Variants in PRPF8 observed in about 807,000 individuals in gnomAD.
PRPF8 encodes the protein pre-mRNA-processing-splicing factor 8.
Under a neutral mutation model 285.9 loss-of-function variants are expected in PRPF8, and 64 were observed. The observed-to-expected ratio is 0.22, with a 90% CI of 0.18 to 0.28. The LOEUF is 0.28. Ranked by LOEUF, PRPF8 falls within the 10% of genes least tolerant of loss-of-function variation. The probability of loss-of-function intolerance (pLI) is 1.00; values close to 1 mark genes in which losing one functional copy is unlikely to be tolerated. For synonymous variants in PRPF8, 1,325 were observed against 1,118.2 expected (o/e 1.18, Z -3.69); for missense variants, 1,426 against 3,026.7 (o/e 0.47, Z 12.41).
At chr17:1,682,996 C>CTTTT (rs1555554634) in intron 3 of PRPF8, 193 of 173,718 alleles carry the variant, frequency 1.1e-3, no homozygotes, top group Non-Finnish European at 1.7e-3. Context: ...TCTTATTTTT[C>CTTTT]ATTTTTTTTT....
At chr17:1,660,111 G>T in intron 30 of PRPF8, 110 bp from the exon 31 acceptor site, 1 of 1,331,488 alleles carries the variant, frequency 7.5e-7, no homozygotes, top group Non-Finnish European at 1.1e-6. Context: ...GAGCTTCCAG[G>T]GTGGATTTCC....
At chr17:1,664,763 A>G (rs1055532446) in intron 24 of PRPF8, among the ~76,000 whole-genome samples, 6 of 152,234 alleles carry the variant, frequency 3.9e-5, no homozygotes, top group African/African-American at 7.2e-5. Flanking sequence ...CCAAATATGT[A>G]AACAGCATAA....
At position 1,673,947 on chromosome 17, in the gene PRPF8, C is replaced by T; in HGVS notation, c.3300-55G>A. The T allele has an allele frequency of 6.2e-7, 1 of 1,600,534 alleles. No individual in the cohort carries two copies. The highest frequency in any genetic ancestry group is 8.5e-7 in the Non-Finnish European group (1 of 1,176,568). On this transcript the variant is annotated intron_variant, in intron 21 of 42. Coordinates refer to ENST00000304992, the MANE Select transcript of PRPF8 (RefSeq NM_006445.4). The surrounding 1 kb of genome is among the most constrained non-coding windows in gnomAD (Gnocchi z 5.5). ...CCCAGTACACTGAGATTTGGGACAC[C>T]CACAAGTCCTCCAGCTCAATAGACG...
chr17:1,662,938 AAAT>A (rs1360976228), intron 24 of PRPF8, among the ~76,000 whole-genome samples: 3 of 152,212 alleles, frequency 2.0e-5, no homozygotes, highest in African/African-American at 7.2e-5. Flanking sequence ...AAATGCAAAA[AAAT>A]ATTTTTTCTC....
At chr17:1,682,540 C>T (rs1258751640) in intron 3 of PRPF8, among the ~76,000 whole-genome samples, 1 of 152,138 alleles carries the variant, frequency 6.6e-6, no homozygotes, top group East Asian at 1.9e-4. Flanking sequence ...ACGGCTATCC[C>T]TCTGGAGACA....
At chr17:1,672,301 T>C (rs1567686109) in intron 24 of PRPF8, among the ~76,000 whole-genome samples, 1 of 152,162 alleles carries the variant, frequency 6.6e-6, no homozygotes, top group African/African-American at 2.4e-5. Flanking sequence ...TATTTTGAGA[T>C]AGAGTTTTTG....
In PRPF8 at chr17:1,681,917, C is replaced by G; in HGVS notation, c.556G>C (p.Glu186Gln). The G allele has an allele frequency of 6.2e-7, 1 of 1,614,062 alleles. No individual in the cohort carries two copies. Among genetic ancestry groups the G allele is most frequent in the Non-Finnish European group, 8.5e-7 (1 of 1,180,014 alleles). ...LDYADNILDVEPLEAIQLELD... is the reference protein window; with the variant it reads ...LDYADNILDVQPLEAIQLELD... ...TCTAGCTGAATGGCCTCCAGTGGCT[C>G]AACATCTAGGATGTTGTCAGCATAG... Residue 186 changes from glutamate (E) to glutamine (Q), a missense_variant, in exon 5 of 43, where the codon GAG becomes CAG. Around this residue, in one of 34 missense-constraint regions of PRPF8, gnomAD observed 96 missense variants for 188.3 expected, o/e 0.51. Coordinates refer to ENST00000304992, the MANE Select transcript of PRPF8 (RefSeq NM_006445.4).
Position 1,673,247 on chromosome 17 carries a change from A to G in PRPF8, c.3658-50T>C. The G allele has an allele frequency of 6.2e-7, 1 of 1,606,092 alleles. No homozygotes were observed. Among genetic ancestry groups the G allele is most frequent in the Non-Finnish European group, 8.5e-7 (1 of 1,172,864 alleles). ...ATGTCCGAGGAACTCCCACAGAAGC[A>G]AGAGCCAACTGTGCCCACCACTCAA... On this transcript the variant is annotated intron_variant, in intron 23 of 42. Coordinates refer to ENST00000304992, the MANE Select transcript of PRPF8 (RefSeq NM_006445.4). This position sits in a 1 kb window ranked among gnomAD's most constrained non-coding sequence, Gnocchi z 5.5.
intron 37 of PRPF8, chr17:1,654,259 C>T (rs927757295): frequency 1.4e-5 from 9 of 622,134 alleles, no homozygotes; most frequent in South Asian, 3.8e-5. Flanking sequence ...ATAAACCCTA[C>T]GCTTCCTTGA....
chr17:1,654,078 T>G (rs1016347557), intron 37 of PRPF8, 62 bp from the exon 38 acceptor site: 79 of 1,612,736 alleles, frequency 4.9e-5, no homozygotes, highest in Non-Finnish European at 3.3e-5. Context: ...TCTGCCTCAA[T>G]GGAAAGGGTG....
Position 1,653,415 on chromosome 17 carries a change from C to T in PRPF8, c.6369+127G>A, listed in dbSNP as rs1374538717. 3.0e-6 allele frequency: 4 copies of T among 1,351,746 alleles called. No individual in the cohort carries two copies. The highest frequency in any genetic ancestry group is 4.2e-6 in the Non-Finnish European group (4 of 956,606). 83.7% of individuals were successfully genotyped at this position (1,351,746 alleles called of 1,614,324 possible). ...AAACCCACCTCGTTGTTTTGGCTAT[C>T]CTTGTATAATTACTCATCCATGAAT... On this transcript the variant is annotated intron_variant, in intron 39 of 42. Coordinates refer to ENST00000304992, the MANE Select transcript of PRPF8 (RefSeq NM_006445.4). This position sits in a 1 kb window ranked among gnomAD's most constrained non-coding sequence, Gnocchi z 4.9.
chr17:1,676,939 G>T lies in PRPF8; in HGVS notation c.2181+37C>A, dbSNP rs373172149. 5 of 1,608,664 alleles carry T rather than the reference G, an allele frequency of 3.1e-6. No homozygotes were observed. The African/African-American group carries it at 6.7e-5, about 22-fold the overall frequency. ...AAGTGGTAATCCTACCCTAAAGACG[G>T]ATGTTTACGCCTCCAAGGAAATAAA... On this transcript the variant is annotated intron_variant, in intron 15 of 42. Transcript: ENST00000304992. The surrounding 1 kb of genome is among the most constrained non-coding windows in gnomAD (Gnocchi z 6.3).
rs1297642122 is a variant in PRPF8 at position 1,684,325 on chromosome 17, TAAAA to T, written c.100+143_100+146del. 7.5e-4 allele frequency: 642 copies of T among 851,296 alleles called. 8 individuals are homozygous for T. In the African/African-American group the frequency reaches 0.01, roughly 13 times the overall value. 52.7% of individuals were successfully genotyped at this position (851,296 alleles called of 1,614,324 possible). A position where few individuals can be genotyped will look rare whatever the true frequency, so the allele number is the denominator to read the frequency against. On this transcript the variant is annotated intron_variant, in intron 2 of 42. Coordinates refer to ENST00000304992, the MANE Select transcript of PRPF8 (RefSeq NM_006445.4). Reference sequence around the variant, plus strand: ...TCAGCGCTTGCAAATAATACGCGCTTAAAATGACTTGATGAAAAATTAACTGGAA... The same window carrying T: ...TCAGCGCTTGCAAATAATACGCGCTTTGACTTGATGAAAAATTAACTGGAA...
At chr17:1,662,961 T>C (rs1217397212) in intron 24 of PRPF8, among the ~76,000 whole-genome samples, 1 of 151,872 alleles carries the variant, frequency 6.6e-6, no homozygotes, top group Non-Finnish European at 1.5e-5. Context: ...CATTTTGCAA[T>C]TTCTACAAAA....
intron 3 of PRPF8, among the ~76,000 whole-genome samples, chr17:1,682,698 G>A (rs1016865001): frequency 2.0e-5 from 3 of 152,168 alleles, no homozygotes; most frequent in Admixed American, 6.6e-5. Flanking sequence ...GTTACCCTCT[G>A]CTCGCTACTA....
rs376692634 is a variant in PRPF8 at position 1,653,762 on chromosome 17, C to T, written c.6227+15G>A. The T allele has an allele frequency of 3.7e-6, 6 of 1,614,066 alleles. No individual in the cohort carries two copies. The African/African-American group carries it at 4.0e-5, about 11-fold the overall frequency. On this transcript the variant is annotated intron_variant, in intron 38 of 42. Coordinates refer to ENST00000304992, the MANE Select transcript of PRPF8 (RefSeq NM_006445.4). This position sits in a 1 kb window ranked among gnomAD's most constrained non-coding sequence, Gnocchi z 4.9. ...CAGCCGGCCTTTCCATCCCCACCCT[C>T]TTGCCCGACAGTACCTGACCCTCCA...
At position 1,681,894 on chromosome 17, in the gene PRPF8, T is replaced by C; in HGVS notation, c.579A>G (p.Leu193=). 6.2e-7 allele frequency: 1 copy of C among 1,614,018 alleles called. No homozygotes were observed. Among genetic ancestry groups the C allele is most frequent in the Non-Finnish European group, 8.5e-7 (1 of 1,180,000 alleles). ...LDVEPLEAIQ[L]ELDPEEDAPV... is the part of the protein sequence containing the mutation. The stretch of plus-strand genomic sequence containing the variant: ...GGGCGTCCTCCTCAGGGTCCAGCTC[T>C]AGCTGAATGGCCTCCAGTGGCTCAA... Residue 193 remains leucine, a synonymous_variant, in exon 5 of 43, where the codon CTA becomes CTG. Transcript: ENST00000304992.
Position 1,674,428 on chromosome 17 carries a change from A to G in PRPF8, c.3299+14T>C, listed in dbSNP as rs16951071. ...CAGTACCCTGCAAGGCTAGGAATCCAGGAAAGCCCTCACCTGAAAAAAATA... is the reference window on the plus strand; with the variant it reads ...CAGTACCCTGCAAGGCTAGGAATCCGGGAAAGCCCTCACCTGAAAAAAATA... On this transcript the variant is annotated intron_variant, in intron 21 of 42. Coordinates refer to ENST00000304992, the MANE Select transcript of PRPF8 (RefSeq NM_006445.4). 4,047 of 1,612,366 alleles carry G rather than the reference A, an allele frequency of 2.5e-3. 87 individuals are homozygous for G. In the African/African-American group the frequency reaches 0.048, roughly 19 times the overall value.
chr17:1,671,197 C>CT (rs1230170430), intron 24 of PRPF8, among the ~76,000 whole-genome samples: 1 of 152,200 alleles, frequency 6.6e-6, no homozygotes, highest in Non-Finnish European at 1.5e-5. Flanking sequence ...CATGCTACTT[C>CT]TTTCAGGAAT....
Sources: allele counts gnomAD v4.1 joint callset (sites outside exome capture counted in the v4.1 genomes callset), GRCh38; gene constraint gnomAD v4.1.1; regional missense constraint gnomAD v4.1.1; non-coding constraint Gnocchi (gnomAD v3.1); transcripts MANE v1.5; gene names NCBI Gene and HGNC (gene_info 2026-07-23, HGNC 2026-07-21).